PCNX2: variants seen among roughly 807,000 people sequenced by gnomAD.
PCNX2 encodes pecanex-like protein 2.
In PCNX2, 168 loss-of-function variants were observed where a neutral mutation model predicts 223.8. The observed-to-expected ratio is 0.75, with a 90% CI of 0.66 to 0.85. The LOEUF (loss-of-function observed/expected upper bound fraction) is 0.85, where lower values mean the gene tolerates loss of function less well. PCNX2 is among the 40% of genes least tolerant of loss of function. The probability of loss-of-function intolerance (pLI) is 0.00; values close to 1 mark genes in which losing one functional copy is unlikely to be tolerated. For synonymous variants in PCNX2, 1,006 were observed against 1,052.6 expected, an observed-to-expected ratio of 0.96 and a Z score of 0.86; for missense variants, 2,507 against 2,675.5, an observed-to-expected ratio of 0.94 and a Z score of 1.39.
At chr1:233,031,727 C>T (rs3820119) in intron 25 of PCNX2, 146,253 of 982,954 alleles carry the variant, frequency 0.15, 11,289 homozygotes, top group African/African-American at 0.25. Context: ...CCCAAATCTT[C>T]GGATTCCATT....
chr1:233,247,922 C>T (rs1454653595), intron 8 of PCNX2, among the ~76,000 whole-genome samples: 1 of 151,266 alleles, frequency 6.6e-6, no homozygotes, highest in African/African-American at 2.4e-5. Flanking sequence ...TGTGAGCCAC[C>T]ATGCCCAGCC....
intron 23 of PCNX2, among the ~76,000 whole-genome samples, chr1:233,062,745 A>G (rs1672450550): frequency 6.6e-6 from 1 of 152,198 alleles, no homozygotes; most frequent in South Asian, 2.1e-4. Flanking sequence ...TTATGTTATT[A>G]TGCTAATTGT....
At chr1:233,056,246 G>A (rs931517798) in intron 24 of PCNX2, among the ~76,000 whole-genome samples, 4 of 152,168 alleles carry the variant, frequency 2.6e-5, no homozygotes, top group Non-Finnish European at 5.9e-5. Flanking sequence ...AGGCCTGAAT[G>A]AGAGAATTAG....
intron 23 of PCNX2, among the ~76,000 whole-genome samples, chr1:233,059,184 C>T (rs1279431503): frequency 2.6e-5 from 4 of 152,150 alleles, no homozygotes; most frequent in Non-Finnish European, 5.9e-5. Context: ...CAAGTATCAC[C>T]TTCTCAGGGA....
At chr1:233,247,299 GGCT>G (rs1407811934) in intron 8 of PCNX2, among the ~76,000 whole-genome samples, 2 of 152,136 alleles carry the variant, frequency 1.3e-5, no homozygotes, top group East Asian at 3.8e-4. Context: ...TGACCAAATG[GGCT>G]GCTGAATGCC....
chr1:233,156,452 C>A (rs935692194), intron 19 of PCNX2, among the ~76,000 whole-genome samples: 1 of 152,172 alleles, frequency 6.6e-6, no homozygotes, highest in African/African-American at 2.4e-5. Context: ...CCTCTCTACA[C>A]CCAAGCACTG....
intron 23 of PCNX2, among the ~76,000 whole-genome samples, chr1:233,072,413 G>T (rs949236356): frequency 6.6e-6 from 1 of 152,072 alleles, no homozygotes; most frequent in Non-Finnish European, 1.5e-5. Flanking sequence ...GTCCCTCATT[G>T]CTTGTTTTTG....
At chr1:233,290,549 G>A (rs548984948) in intron 1 of PCNX2, among the ~76,000 whole-genome samples, 26 of 152,210 alleles carry the variant, frequency 1.7e-4, no homozygotes, top group African/African-American at 5.1e-4. Flanking sequence ...AAGAGGAATC[G>A]AGATCTAAGA....
chr1:233,059,343 T>C (rs1309691572), intron 23 of PCNX2, among the ~76,000 whole-genome samples: 1 of 152,240 alleles, frequency 6.6e-6, no homozygotes, highest in Non-Finnish European at 1.5e-5. Flanking sequence ...GCTTGTGTCA[T>C]GTGCCTGTTC....
At chr1:233,283,222 T>C (rs987248762) in intron 1 of PCNX2, among the ~76,000 whole-genome samples, 2 of 152,152 alleles carry the variant, frequency 1.3e-5, no homozygotes, top group African/African-American at 4.8e-5. Flanking sequence ...AGTCCTTTGA[T>C]ATGGATTGGA....
chr1:233,314,641 A>G, the PCNX2 span, among the ~76,000 whole-genome samples: 1 of 152,188 alleles, frequency 6.6e-6, no homozygotes, highest in South Asian at 2.1e-4. Flanking sequence ...AGGAGAATCA[A>G]TATTCTGTAT....
chr1:233,310,516 C>T, the PCNX2 span, among the ~76,000 whole-genome samples: 2 of 152,176 alleles, frequency 1.3e-5, no homozygotes, highest in South Asian at 2.1e-4. Context: ...TGGGGAGTTG[C>T]GGCTATGCAA....
At chr1:233,005,748 C>A (rs890196989) in intron 28 of PCNX2, among the ~76,000 whole-genome samples, 4 of 152,166 alleles carry the variant, frequency 2.6e-5, no homozygotes, top group African/African-American at 9.7e-5. Flanking sequence ...CCGCAGGACA[C>A]CTGCAGTGCA....
intron 19 of PCNX2, among the ~76,000 whole-genome samples, chr1:233,144,953 GTTTTT>G (rs71173252): frequency 2.2e-5 from 3 of 137,126 alleles, no homozygotes; most frequent in East Asian, 2.1e-4. Flanking sequence ...TTGTTGTTTT[GTTTTT>G]TTTTTTTGTT....
chr1:233,243,918 G>C (rs997356719), intron 8 of PCNX2, among the ~76,000 whole-genome samples: 2 of 151,630 alleles, frequency 1.3e-5, no homozygotes, highest in Non-Finnish European at 2.9e-5. Context: ...CACAACCTCC[G>C]CCTCCCAGGT....
At chr1:233,239,635 G>GTA (rs1459007879) in intron 8 of PCNX2, among the ~76,000 whole-genome samples, 1 of 152,068 alleles carries the variant, frequency 6.6e-6, no homozygotes, top group African/African-American at 2.4e-5. Context: ...TATTTTCCTC[G>GTA]TAGGTATCAT....
At chr1:233,281,704 T>C (rs75488161) in intron 1 of PCNX2, among the ~76,000 whole-genome samples, 1,540 of 152,242 alleles carry the variant, frequency 0.01, 14 homozygotes, top group South Asian at 0.027. Flanking sequence ...ATTCCAAGAG[T>C]AATGTCTCTG....
At chr1:233,084,698 A>G (rs1024056637) in intron 23 of PCNX2, among the ~76,000 whole-genome samples, 1 of 152,196 alleles carries the variant, frequency 6.6e-6, no homozygotes, top group African/African-American at 2.4e-5. Flanking sequence ...TGGCCTAAAC[A>G]TTTGTTTCAT....
chr1:233,224,369 C>A (rs758865858), intron 10 of PCNX2, among the ~76,000 whole-genome samples: 32 of 152,294 alleles, frequency 2.1e-4, no homozygotes, highest in Non-Finnish European at 1.3e-4. Flanking sequence ...CGGCAGGAAC[C>A]ATGAAACTAC....
Sources: gnomAD v4.1 joint callset for allele counts (sites outside exome capture counted in the v4.1 genomes callset) on GRCh38, gnomAD v4.1.1 for gene constraint, MANE v1.5 for transcripts, NCBI Gene and HGNC (gene_info 2026-07-23, HGNC 2026-07-21) for gene names.